The following TTLL7 variants were observed in gnomAD, a reference collection of about 807,000 sequenced individuals.
TTLL7 encodes the protein tubulin polyglutamylase TTLL7.
In TTLL7, 53 loss-of-function variants were observed where a neutral mutation model predicts 120.2. That is an observed-to-expected ratio of 0.44 (90% CI 0.35 to 0.55). TTLL7 has a LOEUF of 0.55. Ranked by LOEUF, TTLL7 falls within the 20% of genes least tolerant of loss-of-function variation. TTLL7 has a pLI of 0.00. For synonymous variants in TTLL7, 353 were observed against 351.7 expected, an observed-to-expected ratio of 1.00 and a Z score of -0.04; for missense variants, 803 against 1,054.7, an observed-to-expected ratio of 0.76 and a Z score of 3.31.
At chr1:83,932,562 G>GGC (rs752455445) in intron 9 of TTLL7, among the ~76,000 whole-genome samples, 1,452 of 122,674 alleles carry the variant, frequency 0.012, 13 homozygotes, top group African/African-American at 0.03. Flanking sequence ...ACCACACATA[G>GGC]GCGCGCGCAC....
chr1:83,989,139 C>T (rs1281013373), intron 1 of TTLL7, among the ~76,000 whole-genome samples: 2 of 152,180 alleles, frequency 1.3e-5, no homozygotes, highest in African/African-American at 4.8e-5. Flanking sequence ...TGTCTGTCTA[C>T]TCTGCTGTTA....
At chr1:83,956,548 C>A (rs1649536007) in intron 1 of TTLL7, among the ~76,000 whole-genome samples, 2 of 152,052 alleles carry the variant, frequency 1.3e-5, no homozygotes, top group Admixed American at 1.3e-4. Context: ...CTGCCTCAGC[C>A]TCCCAAGTAG....
intron 1 of TTLL7, among the ~76,000 whole-genome samples, chr1:83,969,877 A>G (rs1303188012): frequency 6.6e-6 from 1 of 152,032 alleles, no homozygotes; most frequent in Non-Finnish European, 1.5e-5. Context: ...AATGATTCAT[A>G]ATAAATGAAA....
chr1:83,947,331 A>G, intron 5 of TTLL7, 49 bp from the exon 6 acceptor site: 3 of 1,513,386 alleles, frequency 2.0e-6, no homozygotes, highest in Non-Finnish European at 1.8e-6. Flanking sequence ...AAACTAGCAT[A>G]TATTTTCTTT....
At position 83,952,383 on chromosome 1, in the gene TTLL7, G is replaced by C. The variant is rs901962875; in HGVS notation, c.-172C>G. The C allele has an allele frequency of 1.6e-5, 9 of 563,180 alleles. No homozygotes were observed. The highest frequency in any genetic ancestry group is 2.6e-5 in the Non-Finnish European group (9 of 347,410). The allele number at this position is 563,180 out of a possible 1,614,324, so 34.9% of individuals were successfully genotyped here. A position where few individuals can be genotyped will look rare whatever the true frequency, so the allele number is the denominator to read the frequency against. ...GGATACCAAAGTTATGGGATAACAA[G>C]GTACCTGCAGTGATTTTAAAACAAG... is the stretch of plus-strand genomic sequence containing the variant. On this transcript the variant is annotated 5_prime_UTR_variant, in exon 2 of 21. Transcript: ENST00000260505.
chr1:83,904,151 A>G lies in TTLL7; in HGVS notation c.2136T>C (p.Asp712=). The G allele has an allele frequency of 6.2e-7, 1 of 1,611,450 alleles. No homozygotes were observed. The highest frequency in any genetic ancestry group is 8.5e-7 in the Non-Finnish European group (1 of 1,178,552). The change falls in exon 18 of 21, where the codon GAT becomes GAC. Residue 712 remains aspartate (D), a synonymous_variant. Coordinates refer to ENST00000260505, the MANE Select transcript of TTLL7 (RefSeq NM_024686.6). ...ESELLIEDII[D]NWKYHKTKVA... Reference sequence around the variant, plus strand: ...CTTTGGTTTTATGATACTTCCAGTTATCAATGATCTGTTTGGAAGGAGGAA... The same window carrying G: ...CTTTGGTTTTATGATACTTCCAGTTGTCAATGATCTGTTTGGAAGGAGGAA...
intron 19 of TTLL7, among the ~76,000 whole-genome samples, chr1:83,885,995 G>C (rs1399521176): frequency 6.6e-6 from 1 of 151,860 alleles, no homozygotes; most frequent in African/African-American, 2.4e-5. Context: ...GTTCTTTCTG[G>C]CTCTCCCTAA....
intron 9 of TTLL7, among the ~76,000 whole-genome samples, chr1:83,930,783 T>C (rs1438292070): frequency 6.6e-6 from 1 of 152,132 alleles, no homozygotes; most frequent in Admixed American, 6.6e-5. Flanking sequence ...TGTGGAATTG[T>C]GCCAGGCATA....
chr1:83,926,232 G>A (rs919573446), intron 10 of TTLL7, among the ~76,000 whole-genome samples: 10 of 152,100 alleles, frequency 6.6e-5, no homozygotes, highest in South Asian at 2.1e-4. Context: ...GAACATGATC[G>A]AAGGAGAAAA....
chr1:83,923,975 G>A (rs1658898809), intron 10 of TTLL7, among the ~76,000 whole-genome samples: 2 of 152,108 alleles, frequency 1.3e-5, no homozygotes, highest in African/African-American at 4.8e-5. Flanking sequence ...GGAACCACTA[G>A]AAGTTCTATG....
intron 10 of TTLL7, among the ~76,000 whole-genome samples, chr1:83,923,066 G>C (rs1016508923): frequency 1.3e-5 from 2 of 150,672 alleles, no homozygotes; most frequent in South Asian, 2.1e-4. Flanking sequence ...TTTCAATGAT[G>C]AATACAAATT....
rs927252605 is a variant in TTLL7, at chr1:83,917,764, C to CA, written c.1501-75dup. On this transcript the variant is annotated intron_variant, in intron 13 of 20. Coordinates refer to ENST00000260505, the MANE Select transcript of TTLL7 (RefSeq NM_024686.6). ...ATTTTTCCAAGTTGATTAATCTCCA[C>CA]AAAATAATGCAGAGCAAGGATTCCT... 4.4e-6 allele frequency: 4 copies of CA among 918,968 alleles called. No individual in the cohort carries two copies. The African/African-American group carries it at 6.7e-5, about 15-fold the overall frequency. The allele number at this position is 918,968 out of a possible 1,614,324, so 56.9% of individuals were successfully genotyped here. A position where few individuals can be genotyped will look rare whatever the true frequency, so the allele number is the denominator to read the frequency against.
intron 20 of TTLL7, among the ~76,000 whole-genome samples, chr1:83,875,076 G>A (rs144917930): frequency 2.2e-3 from 337 of 151,788 alleles, no homozygotes; most frequent in African/African-American, 7.7e-3. Flanking sequence ...CATTGAATGA[G>A]TATTATAAAG....
chr1:83,892,600 G>A (rs1291173545), intron 18 of TTLL7, among the ~76,000 whole-genome samples: 3 of 128,328 alleles, frequency 2.3e-5, no homozygotes, highest in Non-Finnish European at 5.1e-5. Context: ...ACATATGAAT[G>A]AACATATATA....
chr1:83,872,697 A>C (rs1200247679), intron 20 of TTLL7, among the ~76,000 whole-genome samples: 1 of 152,230 alleles, frequency 6.6e-6, no homozygotes, highest in Non-Finnish European at 1.5e-5. Flanking sequence ...ACATGAAAAA[A>C]TAAAAGCACA....
At chr1:83,872,269 C>G (rs1653488220) in intron 20 of TTLL7, among the ~76,000 whole-genome samples, 1 of 152,044 alleles carries the variant, frequency 6.6e-6, no homozygotes, top group African/African-American at 2.4e-5. Context: ...ATAAAACAAA[C>G]CAAATTAAAT....
intron 18 of TTLL7, among the ~76,000 whole-genome samples, chr1:83,895,461 A>C (rs559540566): frequency 1.3e-5 from 2 of 152,080 alleles, no homozygotes; most frequent in Non-Finnish European, 2.9e-5. Context: ...CTTTCCAAAA[A>C]TCTCAAGCTT....
Position 83,915,123 on chromosome 1 carries a change from G to T in TTLL7, c.1587+2481C>A, listed in dbSNP as rs542781772. On this transcript the variant is annotated intron_variant, in intron 14 of 20. Coordinates refer to ENST00000260505, the MANE Select transcript of TTLL7 (RefSeq NM_024686.6). ...AGCGGTTCAGCTGAAATAGGAAGGA[G>T]CCTCAAACAACAAGTCAATGACTTT... is the stretch of plus-strand genomic sequence containing the variant. Among the ~76,000 whole-genome samples, 79 of 152,214 alleles carry T rather than the reference G, an allele frequency of 5.2e-4. 1 individual carries two copies. The highest frequency in any genetic ancestry group is 1.8e-3 in the African/African-American group (73 of 41,524).
At chr1:83,949,309 T>C (rs1453749132) in intron 4 of TTLL7, 2 of 149,612 alleles carry the variant, frequency 1.3e-5, no homozygotes, top group African/African-American at 5.0e-5. Context: ...GTGTTTTTTT[T>C]GTTTTGTTTT....
Sources: gnomAD v4.1 joint callset for allele counts (sites outside exome capture counted in the v4.1 genomes callset) on GRCh38, gnomAD v4.1.1 for gene constraint, MANE v1.5 for transcripts, NCBI Gene and HGNC (gene_info 2026-07-23, HGNC 2026-07-21) for gene names.